The following GALNT17 variants were observed in gnomAD, a reference collection of about 807,000 sequenced individuals.
GALNT17 encodes the protein polypeptide N-acetylgalactosaminyltransferase 17.
In GALNT17, 29 loss-of-function variants were observed where a neutral mutation model predicts 63.7. The observed-to-expected ratio is 0.46, with a 90% confidence interval of 0.34 to 0.62. The LOEUF is 0.62. Among genes scored for constraint, GALNT17 ranks in the 20% least tolerant of loss-of-function variants. The pLI is 0.01. For synonymous variants in GALNT17, 305 were observed against 318.3 expected, an observed-to-expected ratio of 0.96 and a Z score of 0.45; for missense variants, 603 against 799.6, an observed-to-expected ratio of 0.75 and a Z score of 2.97.
At chr7:71,427,670 G>A (rs531994684) in intron 5 of GALNT17, among the ~76,000 whole-genome samples, 10 of 152,016 alleles carry the variant, frequency 6.6e-5, no homozygotes, top group Non-Finnish European at 1.5e-4. Flanking sequence ...CCTGAGTTGC[G>A]GACCAGGGCT....
At chr7:71,553,939 G>T (rs1398049165) in intron 5 of GALNT17, among the ~76,000 whole-genome samples, 1 of 152,176 alleles carries the variant, frequency 6.6e-6, no homozygotes, top group Non-Finnish European at 1.5e-5. Context: ...GCTGCCTTGG[G>T]GCAACGAGAG....
chr7:71,548,382 G>A lies in GALNT17; in HGVS notation c.963-22903G>A, dbSNP rs187432569. On this transcript the variant is annotated intron_variant, in intron 5 of 10. Transcript: ENST00000333538. ...TTTTTTTATGCTTTCTTGCCCATGG[G>A]TTACAGGGGTTTGGCCTTGTGGCCA... Among the ~76,000 whole-genome samples the A allele has an allele frequency of 9.5e-4, 145 of 152,302 alleles. 1 individual carries two copies. The highest frequency in any genetic ancestry group is 3.4e-3 in the African/African-American group (140 of 41,566).
chr7:71,348,535 T>C (rs1384244276), intron 2 of GALNT17, among the ~76,000 whole-genome samples: 3 of 152,206 alleles, frequency 2.0e-5, no homozygotes, highest in Non-Finnish European at 4.4e-5. Context: ...GTCAACCTTG[T>C]CCTGTTTATG....
intron 1 of GALNT17, among the ~76,000 whole-genome samples, chr7:71,220,120 A>G (rs920245433): frequency 5.9e-5 from 9 of 152,232 alleles, no homozygotes; most frequent in Admixed American, 2.0e-4. Context: ...GTTTATAGCA[A>G]AACTCCCTGC....
At chr7:71,509,945 T>C (rs1788328148) in intron 5 of GALNT17, among the ~76,000 whole-genome samples, 1 of 55,670 alleles carries the variant, frequency 1.8e-5, no homozygotes, top group Non-Finnish European at 4.9e-5. Context: ...ATTTAAAGTG[T>C]ACAATTTTTT....
At chr7:71,423,023 G>T (rs1033772593) in intron 5 of GALNT17, among the ~76,000 whole-genome samples, 2 of 152,156 alleles carry the variant, frequency 1.3e-5, no homozygotes, top group Non-Finnish European at 2.9e-5. Flanking sequence ...GTTGTTGCTA[G>T]CCTGCTGGTG....
intron 1 of GALNT17, among the ~76,000 whole-genome samples, chr7:71,170,038 G>C (rs1008880418): frequency 1.3e-5 from 2 of 151,896 alleles, no homozygotes; most frequent in Admixed American, 6.6e-5. Flanking sequence ...CTGGGATCAA[G>C]TGATCCTTTC....
chr7:71,148,854 GTATTTTTATA>G (rs1189825425), intron 1 of GALNT17, among the ~76,000 whole-genome samples: 25 of 94,034 alleles, frequency 2.7e-4, no homozygotes, highest in African/African-American at 5.6e-4. Context: ...TAGTATTATG[GTATTTTTATA>G]TATATATATA....
chr7:71,678,369 A>C (rs1328734467), intron 9 of GALNT17, among the ~76,000 whole-genome samples: 1 of 150,456 alleles, frequency 6.6e-6, no homozygotes, highest in East Asian at 2.0e-4. Context: ...CAAGTGATCC[A>C]CCACCTCGGC....
In GALNT17 at chr7:71,201,241, T is replaced by TTATATA. The variant is rs760770848; in HGVS notation, c.238+68212_238+68217dup. ...TGTATGGGGGTGTGTGTGTTTATTT[T>TTATATA]TATATATATATATATAATTTGTGTG... On this transcript the variant is annotated intron_variant, in intron 1 of 10. Coordinates refer to ENST00000333538, the MANE Select transcript of GALNT17 (RefSeq NM_022479.3). Among the ~76,000 whole-genome samples, 6 of 138,382 alleles carry TTATATA rather than the reference T, an allele frequency of 4.3e-5. 1 individual carries two copies. The highest frequency in any genetic ancestry group is 8.5e-5 in the African/African-American group (3 of 35,362). The allele number at this position is 138,382 out of a possible 152,430, so 90.8% of individuals were successfully genotyped here. A position where few individuals can be genotyped will look rare whatever the true frequency, so the allele number is the denominator to read the frequency against.
At chr7:71,289,202 C>T (rs368461302) in intron 1 of GALNT17, among the ~76,000 whole-genome samples, 10 of 147,286 alleles carry the variant, frequency 6.8e-5, no homozygotes, top group African/African-American at 2.5e-4. Flanking sequence ...CATCTGACCA[C>T]GTCTTTTTTT....
intron 1 of GALNT17, among the ~76,000 whole-genome samples, chr7:71,286,274 G>A (rs1790871330): frequency 6.6e-6 from 1 of 152,190 alleles, no homozygotes. Context: ...ATTACTTCTG[G>A]AAGTGAATAT....
intron 1 of GALNT17, among the ~76,000 whole-genome samples, chr7:71,273,355 A>G (rs1790626825): frequency 6.6e-6 from 1 of 152,212 alleles, no homozygotes; most frequent in Non-Finnish European, 1.5e-5. Flanking sequence ...TCCCTCTTGA[A>G]CTATTTGTTT....
chr7:71,321,926 TCCC>T (rs1791622315), intron 1 of GALNT17, among the ~76,000 whole-genome samples: 1 of 39,666 alleles, frequency 2.5e-5, no homozygotes, highest in African/African-American at 1.1e-4. Flanking sequence ...TTCCTTCCCC[TCCC>T]TCCCTCCCTC....
intron 2 of GALNT17, among the ~76,000 whole-genome samples, chr7:71,376,873 G>A (rs1792738273): frequency 6.6e-6 from 1 of 151,080 alleles, no homozygotes; most frequent in Non-Finnish European, 1.5e-5. Context: ...ATCAGTTGAG[G>A]TCAGGAGTTC....
chr7:71,519,329 T>C (rs1443769639), intron 5 of GALNT17, among the ~76,000 whole-genome samples: 1 of 152,222 alleles, frequency 6.6e-6, no homozygotes, highest in Non-Finnish European at 1.5e-5. Context: ...TGAACACTTA[T>C]TTCTATCTAA....
At chr7:71,356,060 C>T (rs182915627) in intron 2 of GALNT17, among the ~76,000 whole-genome samples, 25 of 152,192 alleles carry the variant, frequency 1.6e-4, no homozygotes, top group African/African-American at 5.5e-4. Flanking sequence ...TGACTGCAAC[C>T]TCTGCCTCCT....
chr7:71,637,791 G>A (rs564675182), intron 6 of GALNT17, among the ~76,000 whole-genome samples: 4 of 152,280 alleles, frequency 2.6e-5, no homozygotes, highest in African/African-American at 9.6e-5. Context: ...CTGGTGAAGT[G>A]AGCAGTGCTA....
chr7:71,551,976 G>A (rs1164383559), intron 5 of GALNT17, among the ~76,000 whole-genome samples: 2 of 151,856 alleles, frequency 1.3e-5, no homozygotes, highest in East Asian at 3.9e-4. Flanking sequence ...CTTGCAGTTT[G>A]GGAGAGAGGC....
Sources: gnomAD v4.1 joint callset for allele counts (sites outside exome capture counted in the v4.1 genomes callset) on GRCh38, gnomAD v4.1.1 for gene constraint, MANE v1.5 for transcripts, NCBI Gene and HGNC (gene_info 2026-07-23, HGNC 2026-07-21) for gene names.